CD302: variants seen among roughly 807,000 people sequenced by gnomAD.
CD302 encodes the protein CD302 molecule.
Under a neutral mutation model 26.5 loss-of-function variants are expected in CD302, and 23 were observed. That is an observed-to-expected ratio of 0.87 (90% CI 0.62 to 1.23). The LOEUF (loss-of-function observed/expected upper bound fraction) is 1.23. Ranked by LOEUF, CD302 falls within the 50% of genes most tolerant of loss-of-function variation. The probability of loss-of-function intolerance (pLI) is 0.00; values close to 1 mark genes in which losing one functional copy is unlikely to be tolerated. For synonymous variants in CD302, 90 were observed against 99.4 expected (o/e 0.91, Z 0.56); for missense variants, 290 against 275.5 (o/e 1.05, Z -0.37).
At chr2:159,783,038 A>G (rs553300039) in intron 2 of CD302, among the ~76,000 whole-genome samples, 26 of 152,376 alleles carry the variant, frequency 1.7e-4, no homozygotes, top group African/African-American at 5.5e-4. Flanking sequence ...ATAAAATGAT[A>G]ATAATACACT....
Position 159,771,673 on chromosome 2 carries a change from C to T in CD302, c.*178G>A. On this transcript the variant is annotated 3_prime_UTR_variant, in exon 6 of 6. Transcript: ENST00000259053. The stretch of plus-strand genomic sequence containing the variant: ...ATTAGATCTAAGATCATTTCTAAAA[C>T]CTGTTTTTTTAATGAACCTAAAGAC... The T allele has an allele frequency of 1.4e-6, 1 of 698,520 alleles. No individual in the cohort carries two copies. Among genetic ancestry groups the T allele is most frequent in the Non-Finnish European group, 2.3e-6 (1 of 441,342 alleles). 43.3% of individuals were successfully genotyped at this position (698,520 alleles called of 1,614,324 possible). A position where few individuals can be genotyped will look rare whatever the true frequency, so the allele number is the denominator to read the frequency against.
At chr2:159,782,535 C>T (rs922202101) in intron 2 of CD302, among the ~76,000 whole-genome samples, 4 of 151,330 alleles carry the variant, frequency 2.6e-5, no homozygotes, top group Non-Finnish European at 4.4e-5. Flanking sequence ...GAGTTTCAGA[C>T]CAGCCTGGGC....
intron 3 of CD302, 92 bp from the exon 4 acceptor site, chr2:159,780,270 G>T: frequency 7.4e-7 from 1 of 1,360,270 alleles, no homozygotes; most frequent in Non-Finnish European, 1.0e-6. Context: ...AAGTTACTAA[G>T]GTATGTCTGG....
intron 5 of CD302, 95 bp from the exon 6 acceptor site, chr2:159,772,148 TTC>T (rs1181169448): frequency 5.1e-6 from 7 of 1,381,414 alleles, no homozygotes; most frequent in South Asian, 1.4e-5. Flanking sequence ...GTGTAAACAT[TTC>T]TCTGTGTTGA....
intron 1 of CD302, among the ~76,000 whole-genome samples, chr2:159,784,394 C>T (rs1407001703): frequency 9.2e-6 from 1 of 108,302 alleles, no homozygotes; most frequent in Non-Finnish European, 1.7e-5. Flanking sequence ...CTTGTACTGT[C>T]GTCCTGGCTG....
intron 1 of CD302, among the ~76,000 whole-genome samples, chr2:159,784,499 G>A (rs1708613741): frequency 1.3e-5 from 2 of 151,710 alleles, no homozygotes; most frequent in African/African-American, 4.8e-5. Flanking sequence ...GGGACTGCAG[G>A]TATGTGCCAC....
chr2:159,772,441 A>G (rs1235858396), intron 5 of CD302, among the ~76,000 whole-genome samples: 1 of 152,186 alleles, frequency 6.6e-6, no homozygotes, highest in Non-Finnish European at 1.5e-5. Context: ...TTAATGGTTC[A>G]CCTGGCTTTG....
intron 1 of CD302, among the ~76,000 whole-genome samples, chr2:159,786,426 T>C (rs1708667520): frequency 1.3e-5 from 2 of 150,642 alleles, no homozygotes; most frequent in Non-Finnish European, 3.0e-5. Flanking sequence ...CTCTGCCTCC[T>C]GGGTTCAAGT....
chr2:159,794,022 A>C (rs1403046117), intron 1 of CD302, among the ~76,000 whole-genome samples: 1 of 151,358 alleles, frequency 6.6e-6, no homozygotes, highest in Non-Finnish European at 1.5e-5. Flanking sequence ...GAGCTTTGGA[A>C]GGCTGAGGTA....
At chr2:159,774,113 T>C (rs1057499060) in intron 5 of CD302, among the ~76,000 whole-genome samples, 1 of 151,950 alleles carries the variant, frequency 6.6e-6, no homozygotes. Flanking sequence ...CTTGAAGTTA[T>C]CTCCTACTCA....
chr2:159,785,204 G>A (rs2125807102), intron 1 of CD302, among the ~76,000 whole-genome samples: 1 of 152,088 alleles, frequency 6.6e-6, no homozygotes, highest in Admixed American at 6.5e-5. Context: ...TGGAACTCCT[G>A]GGCTCAGCAA....
chr2:159,771,783 T>A lies in CD302; in HGVS notation c.*68A>T, dbSNP rs1708152600. On this transcript the variant is annotated 3_prime_UTR_variant, in exon 6 of 6. Transcript: ENST00000259053. Reference sequence around the variant, plus strand: ...TAATATCCAATGTCAAGTTTTATATTAAAATCTTTCCCAAGTTATCTCTGC... The same window carrying A: ...TAATATCCAATGTCAAGTTTTATATAAAAATCTTTCCCAAGTTATCTCTGC... The A allele has an allele frequency of 6.5e-7, 1 of 1,547,928 alleles. No individual in the cohort carries two copies. The highest frequency in any genetic ancestry group is 1.4e-5 in the African/African-American group (1 of 72,874).
At chr2:159,774,749 C>T (rs766333453) in intron 5 of CD302, among the ~76,000 whole-genome samples, 6 of 152,216 alleles carry the variant, frequency 3.9e-5, no homozygotes, top group Non-Finnish European at 7.3e-5. Context: ...GTGCTTGCCA[C>T]ACTAGGTGCA....
rs1708102412 is a variant in CD302 at position 159,770,423 on chromosome 2, G to T, written c.*1428C>A. ...CATTAATGATAGTGCCATTAATTGTGATGAGTGTTTTCGATTCATGTGGTC... is the reference window on the plus strand; with the variant it reads ...CATTAATGATAGTGCCATTAATTGTTATGAGTGTTTTCGATTCATGTGGTC... On this transcript the variant is annotated 3_prime_UTR_variant, in exon 6 of 6. Transcript: ENST00000259053. The T allele has an allele frequency of 6.6e-6, 1 of 152,134 alleles. No homozygotes were observed. Among genetic ancestry groups the T allele is most frequent in the Non-Finnish European group, 1.5e-5 (1 of 68,026 alleles). The allele number at this position is 152,134 out of a possible 1,614,324, so 9.4% of individuals were successfully genotyped here.
At chr2:159,779,826 A>G (rs939397993) in intron 4 of CD302, among the ~76,000 whole-genome samples, 179 bp downstream of exon 4, 2 of 147,732 alleles carry the variant, frequency 1.4e-5, no homozygotes, top group Non-Finnish European at 1.5e-5. Flanking sequence ...CTGGTCTTCA[A>G]CTCCTGCGCT....
At chr2:159,792,505 G>C (rs1465207491) in intron 1 of CD302, among the ~76,000 whole-genome samples, 1 of 150,916 alleles carries the variant, frequency 6.6e-6, no homozygotes. Context: ...GGATATTTCA[G>C]GCAAACAGAG....
intron 5 of CD302, among the ~76,000 whole-genome samples, chr2:159,777,181 G>T (rs1358818844): frequency 6.6e-6 from 1 of 152,206 alleles, no homozygotes; most frequent in Non-Finnish European, 1.5e-5. Context: ...AGCCCAGGAG[G>T]TCAAGACTGC....
intron 1 of CD302, among the ~76,000 whole-genome samples, chr2:159,784,868 C>T (rs1218079360): frequency 6.6e-6 from 1 of 152,038 alleles, no homozygotes; most frequent in Non-Finnish European, 1.5e-5. Flanking sequence ...GATTGCTTCG[C>T]AGTCTTATAA....
At chr2:159,779,953 C>T (rs1373097123) in intron 4 of CD302, 52 bp downstream of exon 4, 9 of 1,563,244 alleles carry the variant, frequency 5.8e-6, no homozygotes, top group Admixed American at 1.9e-5. Context: ...TAAAACCAGT[C>T]CTACTTTCTC....
Sources: allele counts gnomAD v4.1 joint callset (sites outside exome capture counted in the v4.1 genomes callset), GRCh38; gene constraint gnomAD v4.1.1; transcripts MANE v1.5; gene names NCBI Gene and HGNC (gene_info 2026-07-23, HGNC 2026-07-21).